Variants in NPEPL1 observed in about 807,000 individuals in gnomAD.
The protein encoded by NPEPL1 is aminopeptidase like 1.
In NPEPL1, 45 loss-of-function variants were observed where a neutral mutation model predicts 52.4. The observed-to-expected ratio is 0.86, with a 90% CI of 0.68 to 1.10. The LOEUF (loss-of-function observed/expected upper bound fraction) is 1.10. Among genes scored for constraint, NPEPL1 ranks in the 50% least tolerant of loss-of-function variants. The pLI is 0.00. For missense variants in NPEPL1, 696 were observed against 710.9 expected, an observed-to-expected ratio of 0.98 and a Z score of 0.24; for synonymous variants, 360 against 314.7, an observed-to-expected ratio of 1.14 and a Z score of -1.52.
intron 7 of NPEPL1, among the ~76,000 whole-genome samples, chr20:58,707,724 T>C (rs1347160988): frequency 5.3e-5 from 5 of 95,106 alleles, no homozygotes; most frequent in African/African-American, 2.0e-4. Flanking sequence ...GTGGGGGGGG[T>C]GGGGGGTGAC....
intron 6 of NPEPL1, chr20:58,703,561 T>C: frequency 1.0e-6 from 1 of 985,236 alleles, no homozygotes; most frequent in Non-Finnish European, 1.2e-6. Context: ...CAGATGCTTG[T>C]TTTTGATGTC....
rs1462356774 is a variant in NPEPL1 at position 58,713,113 on chromosome 20, G to C, written c.1002-307G>C. Reference sequence around the variant, plus strand: ...CGGGTGCCAGGCACAGTGTGCTGAAGGCCAGCCCAGCCGGTTCATGCCACC... The same window carrying C: ...CGGGTGCCAGGCACAGTGTGCTGAACGCCAGCCCAGCCGGTTCATGCCACC... On this transcript the variant is annotated intron_variant, in intron 8 of 11. Coordinates refer to ENST00000356091, the MANE Select transcript of NPEPL1 (RefSeq NM_024663.4). This position sits in a 1 kb window ranked among gnomAD's most constrained non-coding sequence, Gnocchi z 4.6. 7.7e-6 allele frequency: 3 copies of C among 391,034 alleles called. No homozygotes were observed. Among genetic ancestry groups the C allele is most frequent in the Non-Finnish European group, 1.4e-5 (3 of 209,518 alleles). The allele number at this position is 391,034 out of a possible 1,614,324, so 24.2% of individuals were successfully genotyped here.
chr20:58,714,212 G>A lies in NPEPL1; in HGVS notation c.1302+119G>A, dbSNP rs1039198330. 6.2e-6 allele frequency: 7 copies of A among 1,132,554 alleles called. No homozygotes were observed. The African/African-American group carries it at 9.7e-5, about 16-fold the overall frequency. The allele number at this position is 1,132,554 out of a possible 1,614,324, so 70.2% of individuals were successfully genotyped here. On this transcript the variant is annotated intron_variant, in intron 10 of 11. Transcript: ENST00000356091. ...GGGGCCCCCCAGAAGCAGCCACAGT[G>A]CAGACGAGGGCTTGAGAGGCAGGCG...
At position 58,693,658 on chromosome 20, in the gene NPEPL1, C is replaced by G. The variant is rs2084400981; in HGVS notation, c.151-79C>G. 5 of 1,324,736 alleles carry G rather than the reference C, an allele frequency of 3.8e-6. No homozygotes were observed. In the East Asian group the frequency reaches 1.2e-4, roughly 31 times the overall value. The allele number at this position is 1,324,736 out of a possible 1,614,324, so 82.1% of individuals were successfully genotyped here. On this transcript the variant is annotated intron_variant, in intron 1 of 11. Transcript: ENST00000356091. ...TCCAGGACTGCAGGAGTGGTTGTGGCCGTGGCTGCAGGGCAGGGCCTCCTG... is the reference window on the plus strand; with the variant it reads ...TCCAGGACTGCAGGAGTGGTTGTGGGCGTGGCTGCAGGGCAGGGCCTCCTG...
Position 58,713,467 on chromosome 20 carries a change from C to T in NPEPL1, c.1049C>T (p.Ala350Val), listed in dbSNP as rs1454485008. 3 of 1,610,994 alleles carry T rather than the reference C, an allele frequency of 1.9e-6. No homozygotes were observed. Among genetic ancestry groups the T allele is most frequent in the Middle Eastern group, 1.7e-4 (1 of 6,020 alleles). The change falls in exon 9 of 12, where the codon GCA becomes GTA. Residue 350 changes from alanine (A) to valine (V), a missense_variant. Physicochemically the swap from Ala to Val is moderately conservative, Grantham distance 64 (BLOSUM62 0). Coordinates refer to ENST00000356091, the MANE Select transcript of NPEPL1 (RefSeq NM_024663.4). The surrounding 1 kb of genome is among the most constrained non-coding windows in gnomAD (Gnocchi z 4.6). ...GATGCCGAGGGCAGGCTGGTGCTGG[C>T]AGATGGCGTGTCCTATGCTTGCAAG... ...NTDAEGRLVLADGVSYACKDL... is the reference protein window; with the variant it reads ...NTDAEGRLVLVDGVSYACKDL...
At chr20:58,701,179 CAG>C (rs1243285554) in intron 6 of NPEPL1, 21 bp downstream of exon 6, 31 of 1,356,868 alleles carry the variant, frequency 2.3e-5, no homozygotes, top group Non-Finnish European at 2.7e-5. Flanking sequence ...GGCTGGCTCT[CAG>C]GGTGCCCTGG....
chr20:58,707,661 G>A (rs1030807459), intron 7 of NPEPL1, among the ~76,000 whole-genome samples: 6 of 149,598 alleles, frequency 4.0e-5, no homozygotes, highest in African/African-American at 1.5e-4. Context: ...TCTTGCGTGG[G>A]CAGGTGCCCC....
chr20:58,704,856 A>C (rs559796792), intron 6 of NPEPL1, among the ~76,000 whole-genome samples: 1 of 152,244 alleles, frequency 6.6e-6, no homozygotes, highest in Non-Finnish European at 1.5e-5. Flanking sequence ...ATGGAATCTG[A>C]AGCCTCATGA....
At chr20:58,691,977 C>T (rs2094128), upstream of NPEPL1, 8 of 655,728 alleles carry the variant, frequency 1.2e-5, no homozygotes, top group South Asian at 1.7e-5. Context: ...CACCACCCGG[C>T]TCCTGCCCCA....
intron 3 of NPEPL1, among the ~76,000 whole-genome samples, chr20:58,695,761 C>G (rs1157937979): frequency 6.6e-6 from 1 of 152,218 alleles, no homozygotes; most frequent in African/African-American, 2.4e-5. Flanking sequence ...CCCTTCGTCT[C>G]TGAGCTTTTA....
intron 3 of NPEPL1, among the ~76,000 whole-genome samples, chr20:58,696,550 C>T (rs2084495676): frequency 6.6e-6 from 1 of 152,254 alleles, no homozygotes; most frequent in Admixed American, 6.5e-5. Flanking sequence ...CCATGGCCCC[C>T]GACCCCATTG....
chr20:58,692,217 TCA>T (rs1025041681), upstream of NPEPL1: 7 of 264,238 alleles, frequency 2.6e-5, no homozygotes, highest in Admixed American at 3.5e-4. This position sits in a 1 kb window ranked among gnomAD's most constrained non-coding sequence, Gnocchi z 5.7. Flanking sequence ...TGTCACCCTC[TCA>T]CATCCAGGGC....
chr20:58,710,138 G>A (rs1251455867), intron 7 of NPEPL1, among the ~76,000 whole-genome samples: 1 of 145,120 alleles, frequency 6.9e-6, no homozygotes, highest in African/African-American at 2.6e-5. Context: ...AGGTTTAAGT[G>A]ATTCTCCTGC....
In NPEPL1 at chr20:58,713,410, C is replaced by T; in HGVS notation, c.1002-10C>T. The stretch of plus-strand genomic sequence containing the variant: ...CCCGTCCCTGAGCGGGGATCTCTAC[C>T]ATGCCCCAGGACGGTGGAAATCAAC... On this transcript the variant is annotated splice_polypyrimidine_tract_variant and intron_variant, in intron 8 of 11. Transcript: ENST00000356091. This position sits in a 1 kb window ranked among gnomAD's most constrained non-coding sequence, Gnocchi z 4.6. 6.3e-7 allele frequency: 1 copy of T among 1,593,974 alleles called. No individual in the cohort carries two copies. The highest frequency in any genetic ancestry group is 2.3e-5 in the East Asian group (1 of 44,090).
In NPEPL1 at chr20:58,699,580, C is replaced by G. The variant is rs377111869; in HGVS notation, c.679+302C>G. ...TGCACACCCTTACTCCTGGGACTGG[C>G]TCAGCAGGGCCTTTCTGTTCCTTGA... On this transcript the variant is annotated intron_variant, in intron 5 of 11. Coordinates refer to ENST00000356091, the MANE Select transcript of NPEPL1 (RefSeq NM_024663.4). Among the ~76,000 whole-genome samples, 25 of 152,350 alleles carry G rather than the reference C, an allele frequency of 1.6e-4. No homozygotes were observed. In the East Asian group the frequency reaches 3.1e-3, roughly 19 times the overall value.
At chr20:58,694,372 C>T (rs1440336421) in intron 2 of NPEPL1, 50 bp from the exon 3 acceptor site, 2 of 1,543,108 alleles carry the variant, frequency 1.3e-6, no homozygotes, top group Admixed American at 1.9e-5. Context: ...TCCCTGCACT[C>T]CCTGGTGGCG....
At chr20:58,712,426 C>T (rs562046877) in intron 7 of NPEPL1, 53 bp from the exon 8 acceptor site, 16 of 1,240,862 alleles carry the variant, frequency 1.3e-5, no homozygotes, top group Admixed American at 3.4e-5. Context: ...CGTCCTCCCC[C>T]CTCCCCAAAC....
intron 6 of NPEPL1, chr20:58,703,839 T>G: frequency 1.0e-6 from 1 of 984,656 alleles, no homozygotes; most frequent in Non-Finnish European, 1.2e-6. Flanking sequence ...TGCCAGAGAG[T>G]AGGGCATTTT....
intron 7 of NPEPL1, chr20:58,711,568 G>C (rs1008944132): frequency 5.2e-5 from 8 of 152,558 alleles, no homozygotes; most frequent in African/African-American, 1.7e-4. Flanking sequence ...CCTGTGCTGC[G>C]TGGGGGTGCG....
Sources: gnomAD v4.1 joint callset for allele counts (sites outside exome capture counted in the v4.1 genomes callset) on GRCh38, gnomAD v4.1.1 for gene constraint, Gnocchi (gnomAD v3.1) non-coding constraint, MANE v1.5 for transcripts, NCBI Gene and HGNC (gene_info 2026-07-23, HGNC 2026-07-21) for gene names.